PPFIA2: variants seen among roughly 807,000 people sequenced by gnomAD.
The protein encoded by PPFIA2 is PPFI scaffold protein A2, also known as liprin-alpha-2.
Under a neutral mutation model 175.5 loss-of-function variants are expected in PPFIA2, and 46 were observed. The ratio of observed to expected loss-of-function variants is 0.26; its 90% CI spans 0.21 to 0.34. PPFIA2 has a LOEUF of 0.34. Among genes scored for constraint, PPFIA2 ranks in the 10% least tolerant of loss-of-function variants. The pLI is 1.00. For missense variants in PPFIA2, 1,179 were observed against 1,506.1 expected, an observed-to-expected ratio of 0.78 and a Z score of 3.60; for synonymous variants, 568 against 511.4, an observed-to-expected ratio of 1.11 and a Z score of -1.49.
intron 4 of PPFIA2, chr12:81,675,681 T>C (rs770318026): frequency 2.0e-5 from 3 of 151,978 alleles, no homozygotes. Context: ...TAAAATTACA[T>C]CACATAAGCA....
intron 4 of PPFIA2, among the ~76,000 whole-genome samples, chr12:81,492,079 G>A (rs2059479900): frequency 6.6e-6 from 1 of 151,928 alleles, no homozygotes; most frequent in Non-Finnish European, 1.5e-5. Flanking sequence ...GGCAGAAAGA[G>A]TTTTGTGTGC....
chr12:81,369,221 T>C lies in PPFIA2; in HGVS notation c.1267-27A>G, dbSNP rs771350891. The C allele has an allele frequency of 2.5e-6, 4 of 1,598,182 alleles. No individual in the cohort carries two copies. The African/African-American group carries it at 5.4e-5, about 21-fold the overall frequency. On this transcript the variant is annotated intron_variant, in intron 11 of 32. Transcript: ENST00000549396. ...TGTTAAGAAATATGAAGAATACACC[T>C]GAAATGTAAGATTTGGTTAACACTT...
chr12:81,651,021 T>C (rs1049070402), intron 4 of PPFIA2, among the ~76,000 whole-genome samples: 6 of 152,204 alleles, frequency 3.9e-5, no homozygotes, highest in Admixed American at 6.5e-5. Context: ...CATTCTGTTT[T>C]AGATGGAGGT....
At chr12:81,647,821 A>G (rs1407733327) in intron 4 of PPFIA2, among the ~76,000 whole-genome samples, 7 of 142,010 alleles carry the variant, frequency 4.9e-5, no homozygotes, top group Non-Finnish European at 1.1e-4. Context: ...ACTATAAAAT[A>G]TATAGTATAT....
rs972622396 is a variant in PPFIA2, at chr12:81,638,842, T to C, written c.303+37949A>G. Among the ~76,000 whole-genome samples the C allele has an allele frequency of 2.5e-4, 37 of 150,132 alleles. No individual in the cohort carries two copies. The East Asian group carries it at 6.5e-3, about 26-fold the overall frequency. ...AGCTGGGACTACAGGCGCCCGCCAC[T>C]ACGCCCGGCTAATTTTTTGTATTTT... is the stretch of plus-strand genomic sequence containing the variant. On this transcript the variant is annotated intron_variant, in intron 4 of 32. Transcript: ENST00000549396.
intron 9 of PPFIA2, among the ~76,000 whole-genome samples, chr12:81,383,024 G>A (rs1296688499): frequency 6.6e-6 from 1 of 152,142 alleles, no homozygotes; most frequent in Non-Finnish European, 1.5e-5. Flanking sequence ...CAGTGAAGAA[G>A]TCCTCTGGAA....
intron 3 of PPFIA2, among the ~76,000 whole-genome samples, chr12:81,677,804 G>A (rs1950143): frequency 0.92 from 139,290 of 151,856 alleles, 64,062 homozygotes; most frequent in East Asian, 1. Flanking sequence ...TTATAAATGG[G>A]GAAATAGGAA....
At chr12:81,385,439 A>C (rs1321108124) in intron 8 of PPFIA2, among the ~76,000 whole-genome samples, 1 of 152,182 alleles carries the variant, frequency 6.6e-6, no homozygotes, top group Non-Finnish European at 1.5e-5. Context: ...TAGCCAAGAA[A>C]CGGAATCAAC....
chr12:81,565,817 C>T (rs1455020668), intron 4 of PPFIA2, among the ~76,000 whole-genome samples: 1 of 152,124 alleles, frequency 6.6e-6, no homozygotes, highest in African/African-American at 2.4e-5. Flanking sequence ...ACAAGCTCTG[C>T]CCCCCAAAAA....
chr12:81,628,703 T>C (rs977738283), intron 4 of PPFIA2, among the ~76,000 whole-genome samples: 1 of 152,244 alleles, frequency 6.6e-6, no homozygotes, highest in Non-Finnish European at 1.5e-5. Flanking sequence ...CTATGTGTCC[T>C]ACTTCTAGTT....
chr12:81,280,106 A>G (rs2041713345), intron 27 of PPFIA2, among the ~76,000 whole-genome samples: 1 of 152,236 alleles, frequency 6.6e-6, no homozygotes, highest in Non-Finnish European at 1.5e-5. Flanking sequence ...ACCCACAAAT[A>G]AATGCAATTT....
At chr12:81,275,644 A>G (rs928542493) in intron 28 of PPFIA2, among the ~76,000 whole-genome samples, 2 of 152,190 alleles carry the variant, frequency 1.3e-5, no homozygotes, top group Admixed American at 1.3e-4. Flanking sequence ...TAATGTAGAA[A>G]CACCCATTAC....
intron 4 of PPFIA2, among the ~76,000 whole-genome samples, chr12:81,487,450 G>A (rs1593808783): frequency 6.6e-6 from 1 of 151,814 alleles, no homozygotes. Flanking sequence ...AGACAAGTAT[G>A]AGCACTTGGT....
intron 22 of PPFIA2, chr12:81,312,378 T>C (rs2051152213): frequency 1.8e-6 from 1 of 568,284 alleles, no homozygotes; most frequent in East Asian, 2.8e-5. Flanking sequence ...CTGAGGGTAG[T>C]TCTAATAGTT....
chr12:81,583,682 C>G (rs1371346489), intron 4 of PPFIA2, among the ~76,000 whole-genome samples: 1 of 151,874 alleles, frequency 6.6e-6, no homozygotes, highest in Non-Finnish European at 1.5e-5. Context: ...ATGGGTTGTA[C>G]TGAATGAGTG....
intron 3 of PPFIA2, among the ~76,000 whole-genome samples, chr12:81,700,614 T>C (rs1251352859): frequency 6.6e-6 from 1 of 152,138 alleles, no homozygotes; most frequent in Non-Finnish European, 1.5e-5. Context: ...TAAAGATTAC[T>C]AGTTCCACTT....
intron 2 of PPFIA2, among the ~76,000 whole-genome samples, chr12:81,754,750 C>A (rs1024650861): frequency 6.6e-6 from 1 of 152,110 alleles, no homozygotes; most frequent in African/African-American, 2.4e-5. Context: ...ATATACAAAT[C>A]ATTGAGTATT....
At chr12:81,757,400 C>T (rs1386011721) in intron 2 of PPFIA2, among the ~76,000 whole-genome samples, 1 of 152,124 alleles carries the variant, frequency 6.6e-6, no homozygotes, top group Non-Finnish European at 1.5e-5. Flanking sequence ...TCATTCCCCC[C>T]TCAAAGTCAA....
At chr12:81,320,231 G>C (rs1370438013) in intron 22 of PPFIA2, among the ~76,000 whole-genome samples, 4 of 151,972 alleles carry the variant, frequency 2.6e-5, no homozygotes, top group Non-Finnish European at 5.9e-5. Context: ...ACACATTAAA[G>C]ATTACACACT....
Sources: allele counts gnomAD v4.1 joint callset (sites outside exome capture counted in the v4.1 genomes callset), GRCh38; gene constraint gnomAD v4.1.1; transcripts MANE v1.5; gene names NCBI Gene and HGNC (gene_info 2026-07-23, HGNC 2026-07-21).